The following TNFAIP8 variants were observed in gnomAD, a reference collection of about 807,000 sequenced individuals.
The protein encoded by TNFAIP8 is TNF alpha induced protein 8.
A neutral mutation model predicts 13.3 loss-of-function variants in TNFAIP8; 7 were observed. That is an observed-to-expected ratio of 0.52 (90% CI 0.30 to 0.99). TNFAIP8 has a LOEUF of 0.99. TNFAIP8 is among the 50% of genes least tolerant of loss of function. The pLI is 0.07. For missense variants in TNFAIP8, 258 were observed against 236.9 expected, an observed-to-expected ratio of 1.09 and a Z score of -0.58; for synonymous variants, 94 against 87.6, an observed-to-expected ratio of 1.07 and a Z score of -0.41.
intron 1 of TNFAIP8, among the ~76,000 whole-genome samples, chr5:119,302,492 G>A (rs1749426694): frequency 1.3e-5 from 2 of 152,122 alleles, no homozygotes; most frequent in Admixed American, 6.5e-5. Context: ...CTGTCTTTGG[G>A]AAGGATGTTT....
upstream of TNFAIP8, chr5:119,354,677 T>C (rs186280608): frequency 3.7e-3 from 560 of 152,516 alleles, 4 homozygotes; most frequent in Non-Finnish European, 3.9e-3. Context: ...TAATACTATT[T>C]TTATCTTCAT....
At chr5:119,326,880 G>C (rs561478228) in intron 1 of TNFAIP8, among the ~76,000 whole-genome samples, 10 of 152,298 alleles carry the variant, frequency 6.6e-5, no homozygotes, top group African/African-American at 2.4e-4. Context: ...TAGAAGAGAA[G>C]CTGTTTGGAA....
intron 1 of TNFAIP8, chr5:119,268,964 G>T (rs1029500704): frequency 2.4e-5 from 16 of 669,718 alleles, no homozygotes; most frequent in South Asian, 9.3e-5. Flanking sequence ...CTCTCCCGCC[G>T]CTGGGCTGCG....
At chr5:119,322,076 C>T (rs761910477) in intron 1 of TNFAIP8, among the ~76,000 whole-genome samples, 1 of 152,120 alleles carries the variant, frequency 6.6e-6, no homozygotes, top group Non-Finnish European at 1.5e-5. Flanking sequence ...TTCCTTGGCT[C>T]TCTCTCTAAT....
chr5:119,349,444 T>G (rs1450661339), intron 1 of TNFAIP8, among the ~76,000 whole-genome samples: 1 of 152,248 alleles, frequency 6.6e-6, no homozygotes, highest in Non-Finnish European at 1.5e-5. Flanking sequence ...TGACTTTGCC[T>G]ATTTTTAGAG....
upstream of TNFAIP8, chr5:119,355,236 T>G: frequency 1.4e-6 from 1 of 692,606 alleles, no homozygotes; most frequent in Non-Finnish European, 2.6e-6. Context: ...CATCCCCAGT[T>G]TTTGCTGGTA....
At chr5:119,283,289 C>T (rs1468706430) in intron 1 of TNFAIP8, among the ~76,000 whole-genome samples, 2 of 152,120 alleles carry the variant, frequency 1.3e-5, no homozygotes, top group Non-Finnish European at 1.5e-5. Flanking sequence ...AATCTTATGA[C>T]ACTTAGCTTT....
chr5:119,286,954 T>C (rs1009414458), intron 1 of TNFAIP8, among the ~76,000 whole-genome samples: 7 of 152,270 alleles, frequency 4.6e-5, no homozygotes, highest in Admixed American at 2.0e-4. Flanking sequence ...CCTCTGAGTG[T>C]CTCCTTTGGT....
At chr5:119,299,905 C>G (rs191596327) in intron 1 of TNFAIP8, among the ~76,000 whole-genome samples, 167 of 152,356 alleles carry the variant, frequency 1.1e-3, no homozygotes, top group African/African-American at 3.8e-3. Flanking sequence ...GCGTAGGACC[C>G]TCTGAGTCAG....
At chr5:119,305,187 T>C (rs539691186) in intron 1 of TNFAIP8, among the ~76,000 whole-genome samples, 63 of 152,306 alleles carry the variant, frequency 4.1e-4, no homozygotes, top group Non-Finnish European at 7.9e-4. Flanking sequence ...TCAGAAAATA[T>C]GGGGTATCTT....
intron 1 of TNFAIP8, among the ~76,000 whole-genome samples, chr5:119,321,337 A>G (rs1307572745): frequency 6.6e-6 from 1 of 152,148 alleles, no homozygotes; most frequent in Non-Finnish European, 1.5e-5. Context: ...ATATTTTGTT[A>G]CTGGGTATAC....
At position 119,393,879 on chromosome 5, in the gene TNFAIP8, G is replaced by A. The variant is rs968607106; in HGVS notation, c.*498G>A. On this transcript the variant is annotated 3_prime_UTR_variant, in exon 2 of 2. Transcript: ENST00000504771. The stretch of plus-strand genomic sequence containing the variant: ...CAGCTGACTGTTTTGTTAAGATTGA[G>A]TCATCGACATTCAGGATTTAAGTCT... 1 of 154,922 alleles carries A rather than the reference G, an allele frequency of 6.5e-6. No individual in the cohort carries two copies. Among genetic ancestry groups the A allele is most frequent in the African/African-American group, 2.4e-5 (1 of 41,378 alleles). 9.6% of individuals were successfully genotyped at this position (154,922 alleles called of 1,614,324 possible).
At chr5:119,382,478 C>A (rs993722281) in intron 1 of TNFAIP8, among the ~76,000 whole-genome samples, 56 of 152,278 alleles carry the variant, frequency 3.7e-4, no homozygotes, top group African/African-American at 1.3e-3. Context: ...TCTCTTTTCG[C>A]CACACTCCTT....
At chr5:119,311,895 T>C (rs1749744214) in intron 1 of TNFAIP8, among the ~76,000 whole-genome samples, 1 of 152,156 alleles carries the variant, frequency 6.6e-6, no homozygotes, top group Admixed American at 6.5e-5. Context: ...CCTGTGGTGC[T>C]TAACAGCCTA....
chr5:119,381,386 A>G (rs1222582559), intron 1 of TNFAIP8, among the ~76,000 whole-genome samples: 2 of 152,078 alleles, frequency 1.3e-5, no homozygotes, highest in South Asian at 2.1e-4. Flanking sequence ...ACCCAAAAAA[A>G]TACAGAAAAT....
intron 1 of TNFAIP8, among the ~76,000 whole-genome samples, chr5:119,330,529 C>T (rs903979494): frequency 6.6e-6 from 1 of 151,956 alleles, no homozygotes; most frequent in Non-Finnish European, 1.5e-5. Flanking sequence ...GGGGTTAGGC[C>T]TCATGGCCTC....
intron 1 of TNFAIP8, among the ~76,000 whole-genome samples, chr5:119,318,180 C>G (rs1749953347): frequency 6.6e-6 from 1 of 151,546 alleles, no homozygotes; most frequent in Non-Finnish European, 1.5e-5. Context: ...ATTCATTGAT[C>G]TTTTGCAGGT....
chr5:119,276,984 A>C (rs1743283565), intron 1 of TNFAIP8, among the ~76,000 whole-genome samples: 1 of 152,256 alleles, frequency 6.6e-6, no homozygotes, highest in Non-Finnish European at 1.5e-5. Flanking sequence ...ACCTATGATA[A>C]AATTTAATTT....
At chr5:119,300,784 T>C (rs536101271) in intron 1 of TNFAIP8, among the ~76,000 whole-genome samples, 1 of 152,300 alleles carries the variant, frequency 6.6e-6, no homozygotes, top group Admixed American at 6.5e-5. Context: ...CATTGGAACA[T>C]ATTTTTCATT....
Sources: gnomAD v4.1 joint callset for allele counts (sites outside exome capture counted in the v4.1 genomes callset) on GRCh38, gnomAD v4.1.1 for gene constraint, MANE v1.5 for transcripts, NCBI Gene and HGNC (gene_info 2026-07-23, HGNC 2026-07-21) for gene names.